Variants in TRPS1 observed in about 807,000 individuals in gnomAD.
The protein encoded by TRPS1 is transcriptional repressor GATA binding 1, also known as zinc finger transcription factor Trps1.
TRPS1 carries 6 observed loss-of-function variants against 101.2 expected under a neutral mutation model. The ratio of observed to expected loss-of-function variants is 0.06; its 90% CI spans 0.03 to 0.12. The LOEUF (loss-of-function observed/expected upper bound fraction) is 0.12. Among genes scored for constraint, TRPS1 ranks in the 10% least tolerant of loss-of-function variants. The probability of loss-of-function intolerance (pLI) is 1.00; values close to 1 mark genes in which losing one functional copy is unlikely to be tolerated. For synonymous variants in TRPS1, 578 were observed against 589.8 expected (o/e 0.98, Z 0.29); for missense variants, 1,363 against 1,567.0 (o/e 0.87, Z 2.20).
Position 115,587,171 on chromosome 8 carries a change from G to C in TRPS1, c.2530C>G (p.Pro844Ala). ...QEQTKTLRDSPNVEAAHLARP... is the reference protein window; with the variant it reads ...QEQTKTLRDSANVEAAHLARP... ...GCCAGATGGGCGGCCTCCACATTGGGACTATCCCTTAGAGTCTTTGTCTGC... is the reference window on the plus strand; with the variant it reads ...GCCAGATGGGCGGCCTCCACATTGGCACTATCCCTTAGAGTCTTTGTCTGC... Residue 844 changes from proline to alanine, a missense_variant, in exon 5 of 7, where the codon CCC becomes GCC. Pro to Ala is a conservative substitution (Grantham distance 27). Around this residue, in one of 5 missense-constraint regions of TRPS1, gnomAD observed 1,020 missense variants for 1,073.0 expected, o/e 0.95. Coordinates refer to ENST00000395715, the MANE Select transcript of TRPS1 (RefSeq NM_014112.5). 1 of 1,614,202 alleles carries C rather than the reference G, an allele frequency of 6.2e-7. No individual in the cohort carries two copies. The highest frequency in any genetic ancestry group is 8.5e-7 in the Non-Finnish European group (1 of 1,180,034).
chr8:115,492,952 T>C (rs1327185974), intron 5 of TRPS1, among the ~76,000 whole-genome samples: 1 of 152,164 alleles, frequency 6.6e-6, no homozygotes, highest in Non-Finnish European at 1.5e-5. Context: ...TGACCTCAAG[T>C]GATCTGTTCA....
At chr8:115,632,324 T>C (rs1008423176) in intron 1 of TRPS1, among the ~76,000 whole-genome samples, 14 of 152,100 alleles carry the variant, frequency 9.2e-5, no homozygotes, top group African/African-American at 2.9e-4. Context: ...ACAAGTAGCA[T>C]AATACATAAA....
chr8:115,498,415 C>CTCTCTCTCTCTCTCTCTATA (rs1486361297), intron 5 of TRPS1, among the ~76,000 whole-genome samples: 1 of 39,316 alleles, frequency 2.5e-5, no homozygotes, highest in African/African-American at 1.1e-4. Flanking sequence ...CTCTCTCTCT[C>CTCTCTCTCTCTCTCTCTATA]TATATATATA....
intron 1 of TRPS1, among the ~76,000 whole-genome samples, chr8:115,659,427 C>A (rs1811745287): frequency 6.6e-6 from 1 of 151,526 alleles, no homozygotes; most frequent in Non-Finnish European, 1.5e-5. Context: ...AAAAATTCAG[C>A]AGCCAAACAC....
chr8:115,638,417 G>T (rs1292333721), intron 1 of TRPS1, among the ~76,000 whole-genome samples: 2 of 152,126 alleles, frequency 1.3e-5, no homozygotes, highest in African/African-American at 2.4e-5. Flanking sequence ...GAATAAAATA[G>T]GTTGATTTGT....
At chr8:115,652,428 G>A (rs900584342) in intron 1 of TRPS1, among the ~76,000 whole-genome samples, 29 of 152,130 alleles carry the variant, frequency 1.9e-4, no homozygotes, top group Non-Finnish European at 3.1e-4. Flanking sequence ...AACAAACTCC[G>A]TATCTGACTT....
chr8:115,498,647 T>G (rs974999697), intron 5 of TRPS1, among the ~76,000 whole-genome samples: 2 of 151,588 alleles, frequency 1.3e-5, no homozygotes, highest in Admixed American at 1.3e-4. Context: ...GCTACAAAAT[T>G]TAATGTATTT....
At chr8:115,650,453 C>T (rs1811534260) in intron 1 of TRPS1, among the ~76,000 whole-genome samples, 2 of 152,158 alleles carry the variant, frequency 1.3e-5, no homozygotes, top group Admixed American at 1.3e-4. Flanking sequence ...TTCATGGTCC[C>T]ATGTCCATAG....
At chr8:115,633,053 A>G (rs1251686437) in intron 1 of TRPS1, among the ~76,000 whole-genome samples, 1 of 152,112 alleles carries the variant, frequency 6.6e-6, no homozygotes, top group Non-Finnish European at 1.5e-5. Context: ...TAATGAAGAG[A>G]AACCTTTGAG....
At chr8:115,494,754 A>T (rs751237374) in intron 5 of TRPS1, among the ~76,000 whole-genome samples, 2 of 152,204 alleles carry the variant, frequency 1.3e-5, no homozygotes, top group Non-Finnish European at 2.9e-5. Flanking sequence ...GACCTAAATC[A>T]TTCTAATTAA....
intron 5 of TRPS1, among the ~76,000 whole-genome samples, chr8:115,422,369 CTT>C (rs776277522): frequency 2.0e-4 from 29 of 143,040 alleles, no homozygotes; most frequent in Non-Finnish European, 2.3e-4. Context: ...ACTTTCCACA[CTT>C]TTTTTTTTTT....
intron 5 of TRPS1, among the ~76,000 whole-genome samples, chr8:115,549,319 T>C (rs1816649682): frequency 6.6e-6 from 1 of 152,246 alleles, no homozygotes; most frequent in Non-Finnish European, 1.5e-5. Context: ...CAAATGAATA[T>C]GTATTCAGCA....
intron 5 of TRPS1, among the ~76,000 whole-genome samples, chr8:115,563,007 G>A (rs189197481): frequency 1.1e-4 from 17 of 151,734 alleles, no homozygotes; most frequent in African/African-American, 4.1e-4. Flanking sequence ...CAAATAGCAT[G>A]ATCGAGTAGA....
rs149356795 is a variant in TRPS1, at chr8:115,450,845, TC to T, written c.2701-32394del. ...TCACACCTTACAAAAATTTCATAGA[TC>T]CATAATGCATCCTTTTGGGAACATA... On this transcript the variant is annotated intron_variant, in intron 5 of 6. Transcript: ENST00000395715. Among the ~76,000 whole-genome samples the T allele has an allele frequency of 5.8e-3, 886 of 152,272 alleles. 11 individuals carry two copies. The highest frequency in any genetic ancestry group is 0.02 in the African/African-American group (847 of 41,568).
chr8:115,627,086 T>C (rs899794832), intron 1 of TRPS1, among the ~76,000 whole-genome samples: 2 of 151,758 alleles, frequency 1.3e-5, no homozygotes, highest in Non-Finnish European at 1.5e-5. Flanking sequence ...GTAGGACACA[T>C]GTATATATAT....
At position 115,414,415 on chromosome 8, in the gene TRPS1, G is replaced by A. The variant is rs1812862839; in HGVS notation, c.3493C>T (p.His1165Tyr). Residue 1165 changes from histidine (H) to tyrosine (Y), a missense_variant, in exon 7 of 7, where the codon CAT becomes TAT. By Grantham distance (83) the His-to-Tyr change is moderately conservative. Transcript: ENST00000395715. The surrounding 1 kb of genome is among the most constrained non-coding windows in gnomAD (Gnocchi z 4.8). ...TTGTCTGATCCAACAGCTGAAAAAT[G>A]AGGAGGCAGATTGAAGGTGGGATAA... ...VPYPTFNLPP[H>Y]FSAVGSDNDI... 6.2e-7 allele frequency: 1 copy of A among 1,613,960 alleles called. No individual in the cohort carries two copies.
In TRPS1 at chr8:115,486,197, GGTGATGTGTGATCT is replaced by G. The variant is rs1395902849; in HGVS notation, c.2701-67759_2701-67746del. Reference sequence around the variant, plus strand: ...TCATTATTACTATAGTATCTTTTATGGTGATGTGTGATCTGTGATCTTTGATGTTACTATTGTAA... The same window carrying G: ...TCATTATTACTATAGTATCTTTTATGGTGATCTTTGATGTTACTATTGTAA... On this transcript the variant is annotated intron_variant, in intron 5 of 6. Transcript: ENST00000395715. Among the ~76,000 whole-genome samples the G allele has an allele frequency of 2.0e-5, 3 of 152,186 alleles. No individual in the cohort carries two copies. In the East Asian group the frequency reaches 5.8e-4, roughly 29 times the overall value.
intron 5 of TRPS1, among the ~76,000 whole-genome samples, chr8:115,493,725 T>C (rs1815085461): frequency 6.6e-6 from 1 of 152,308 alleles, no homozygotes; most frequent in East Asian, 1.9e-4. Flanking sequence ...CATACTGGCA[T>C]GGATATTATA....
chr8:115,526,529 TG>T (rs1472040813), intron 5 of TRPS1, among the ~76,000 whole-genome samples: 17 of 152,152 alleles, frequency 1.1e-4, no homozygotes, highest in Admixed American at 2.0e-4. Context: ...ATCTACAATT[TG>T]GACAAAAACA....
Sources: gnomAD v4.1 joint callset for allele counts (sites outside exome capture counted in the v4.1 genomes callset) on GRCh38, gnomAD v4.1.1 for gene constraint, gnomAD v4.1.1 regional missense constraint, Gnocchi (gnomAD v3.1) non-coding constraint, MANE v1.5 for transcripts, NCBI Gene and HGNC (gene_info 2026-07-23, HGNC 2026-07-21) for gene names.